DPP10: variants seen among roughly 807,000 people sequenced by gnomAD.
DPP10 encodes dipeptidyl peptidase like 10, also known as inactive dipeptidyl peptidase 10.
A neutral mutation model predicts 120.9 loss-of-function variants in DPP10; 33 were observed. The ratio of observed to expected loss-of-function variants is 0.27; its 90% CI spans 0.21 to 0.37. The LOEUF is 0.37. DPP10 is among the 10% of genes least tolerant of loss of function. The pLI is 1.00. For missense variants in DPP10, 816 were observed against 942.8 expected (o/e 0.87, Z 1.76); for synonymous variants, 337 against 326.1 (o/e 1.03, Z -0.36).
intron 1 of DPP10, among the ~76,000 whole-genome samples, chr2:114,575,195 CGAA>C (rs779382033): frequency 2.8e-4 from 43 of 151,478 alleles, no homozygotes; most frequent in Non-Finnish European, 5.7e-4. Flanking sequence ...GAGAGAAAAC[CGAA>C]GAAGAAGGAA....
intron 9 of DPP10, among the ~76,000 whole-genome samples, chr2:115,742,683 CA>C (rs5833627): frequency 6.6e-6 from 1 of 151,930 alleles, no homozygotes; most frequent in African/African-American, 2.4e-5. Flanking sequence ...ACTCTGGTTT[CA>C]AAAAATGTTT....
chr2:114,462,451 C>A (rs1679007052), intron 1 of DPP10, among the ~76,000 whole-genome samples: 1 of 152,184 alleles, frequency 6.6e-6, no homozygotes, highest in African/African-American at 2.4e-5. Context: ...TTCTTTTCGA[C>A]AACCTTGGCA....
chr2:115,337,433 G>T (rs1168389689), intron 2 of DPP10, among the ~76,000 whole-genome samples: 1 of 151,930 alleles, frequency 6.6e-6, no homozygotes, highest in Non-Finnish European at 1.5e-5. Flanking sequence ...ATTTTTGGGA[G>T]ATAGTATAGC....
intron 1 of DPP10, among the ~76,000 whole-genome samples, chr2:115,107,228 T>C (rs1248493583): frequency 6.6e-6 from 1 of 152,014 alleles, no homozygotes; most frequent in Non-Finnish European, 1.5e-5. Flanking sequence ...TATTATAACA[T>C]GAAGGGAATA....
chr2:114,885,841 G>T (rs1692025691), intron 1 of DPP10, among the ~76,000 whole-genome samples: 1 of 152,164 alleles, frequency 6.6e-6, no homozygotes, highest in Admixed American at 6.5e-5. Flanking sequence ...TCTTCCACTT[G>T]CTATTTGTGT....
intron 1 of DPP10, among the ~76,000 whole-genome samples, chr2:115,007,698 C>T (rs1227729019): frequency 6.6e-6 from 1 of 151,840 alleles, no homozygotes. Context: ...AGCCCGAAAT[C>T]TCCTTAAGCT....
At chr2:115,301,726 A>G (rs956204704) in intron 1 of DPP10, among the ~76,000 whole-genome samples, 1 of 151,824 alleles carries the variant, frequency 6.6e-6, no homozygotes, top group South Asian at 2.1e-4. Flanking sequence ...CTGATATCAA[A>G]TCTGTTTGTT....
intron 1 of DPP10, among the ~76,000 whole-genome samples, chr2:114,671,503 A>G (rs1698338301): frequency 6.6e-6 from 1 of 152,164 alleles, no homozygotes; most frequent in Non-Finnish European, 1.5e-5. Flanking sequence ...CTGCAGAACC[A>G]TGAGCCAAAT....
rs143708576 is a variant in DPP10 at position 114,786,935 on chromosome 2, C to T, written c.60+344097C>T. 1.4e-3 allele frequency among the ~76,000 whole-genome samples: 216 copies of T among 152,202 alleles called. 1 individual carries two copies. Among genetic ancestry groups the T allele is most frequent in the African/African-American group, 5.0e-3 (208 of 41,542 alleles). On this transcript the variant is annotated intron_variant, in intron 1 of 25. Coordinates refer to ENST00000410059, the MANE Select transcript of DPP10 (RefSeq NM_020868.6). ...ATCCCGACCCCTCCCCTGGTGTCCA[C>T]GGTGCTTATTCCGCAGCATATTGAG...
chr2:115,333,032 T>G (rs1347264988), intron 2 of DPP10, among the ~76,000 whole-genome samples: 1 of 152,052 alleles, frequency 6.6e-6, no homozygotes. Context: ...GTGTTAAAGT[T>G]TCCCATTAAT....
At chr2:114,951,406 A>G (rs1266699077) in intron 1 of DPP10, among the ~76,000 whole-genome samples, 1 of 152,170 alleles carries the variant, frequency 6.6e-6, no homozygotes, top group Admixed American at 6.5e-5. Context: ...ATTTCTATTG[A>G]GTTTCCTCTA....
rs188211777 is a variant in DPP10, at chr2:115,167,303, T to A, written c.61-141936T>A. ...TGGGCCTGGTGCAGTGGCTCCCACT[T>A]GTAATCCCAACACTTTGGGAGGCTG... On this transcript the variant is annotated intron_variant, in intron 1 of 25. Transcript: ENST00000410059. Among the ~76,000 whole-genome samples, 7 of 150,684 alleles carry A rather than the reference T, an allele frequency of 4.6e-5. No homozygotes were observed. The East Asian group carries it at 1.4e-3, about 29-fold the overall frequency.
chr2:115,789,049 C>G (rs546664381), intron 17 of DPP10, among the ~76,000 whole-genome samples: 1 of 151,686 alleles, frequency 6.6e-6, no homozygotes, highest in East Asian at 1.9e-4. Flanking sequence ...ACCTGGGAGG[C>G]GGAGCTTGCA....
intron 1 of DPP10, among the ~76,000 whole-genome samples, chr2:114,584,386 ATTTG>A (rs1448241085): frequency 2.0e-5 from 3 of 152,018 alleles, no homozygotes; most frequent in Non-Finnish European, 4.4e-5. Context: ...ACCTTTATTT[ATTTG>A]TTTATTTATT....
At chr2:115,535,041 A>AT (rs905988170) in intron 5 of DPP10, among the ~76,000 whole-genome samples, 43 of 146,562 alleles carry the variant, frequency 2.9e-4, no homozygotes, top group Non-Finnish European at 4.6e-4. Context: ...GGTTGCGAAA[A>AT]TTTTCTCCCA....
At chr2:115,367,267 T>C (rs1022980098) in intron 3 of DPP10, among the ~76,000 whole-genome samples, 1 of 152,060 alleles carries the variant, frequency 6.6e-6, no homozygotes, top group African/African-American at 2.4e-5. Flanking sequence ...CGTGTGTGTG[T>C]TGTTTTTAAA....
intron 1 of DPP10, among the ~76,000 whole-genome samples, chr2:114,631,044 G>T (rs958209057): frequency 1.3e-5 from 2 of 152,144 alleles, no homozygotes; most frequent in African/African-American, 4.8e-5. Flanking sequence ...AAGATTTGCT[G>T]CAAGGAAAAC....
rs558714813 is a variant in DPP10, at chr2:115,130,653, T to A, written c.61-178586T>A. 2.5e-4 allele frequency among the ~76,000 whole-genome samples: 38 copies of A among 152,326 alleles called. 1 individual carries two copies. Among genetic ancestry groups the A allele is most frequent in the African/African-American group, 9.1e-4 (38 of 41,586 alleles). On this transcript the variant is annotated intron_variant, in intron 1 of 25. Transcript: ENST00000410059. ...CAGAGCTACTGATTCCTTTCATCAG[T>A]GACCATGCCTTTTCTCCCACATGCC...
At chr2:114,724,299 A>T (rs1244481681) in intron 1 of DPP10, among the ~76,000 whole-genome samples, 1 of 152,228 alleles carries the variant, frequency 6.6e-6, no homozygotes, top group Non-Finnish European at 1.5e-5. Flanking sequence ...CATAACTTAT[A>T]ACCTATAGTT....
Sources: gnomAD v4.1 joint callset for allele counts (sites outside exome capture counted in the v4.1 genomes callset) on GRCh38, gnomAD v4.1.1 for gene constraint, MANE v1.5 for transcripts, NCBI Gene and HGNC (gene_info 2026-07-23, HGNC 2026-07-21) for gene names.